Variants in MMRN1 observed in about 807,000 individuals in gnomAD.
The protein encoded by MMRN1 is multimerin 1, also known as multimerin-1.
Under a neutral mutation model 100.7 loss-of-function variants are expected in MMRN1, and 94 were observed. The observed-to-expected ratio is 0.93, with a 90% CI of 0.79 to 1.11. The LOEUF (loss-of-function observed/expected upper bound fraction) is 1.11. MMRN1 is among the 50% of genes least tolerant of loss of function. The pLI, the probability that MMRN1 is intolerant of heterozygous loss-of-function variation, is 0.00. For synonymous variants in MMRN1, 575 were observed against 505.0 expected (o/e 1.14, Z -1.86); for missense variants, 1,606 against 1,439.1 (o/e 1.12, Z -1.88).
At chr4:89,947,311 ATTCAT>A (rs1012808798) in intron 6 of MMRN1, among the ~76,000 whole-genome samples, 14 of 152,068 alleles carry the variant, frequency 9.2e-5, no homozygotes, top group South Asian at 8.3e-4. Context: ...AAATAAATAG[ATTCAT>A]GTCTCTAGGA....
At chr4:89,893,638 G>T (rs1328253297), upstream of MMRN1, among the ~76,000 whole-genome samples, 3 of 152,096 alleles carry the variant, frequency 2.0e-5, no homozygotes, top group Non-Finnish European at 4.4e-5. Flanking sequence ...AGAAAAATGG[G>T]TTACACATGG....
intron 6 of MMRN1, among the ~76,000 whole-genome samples, chr4:89,942,808 G>T (rs6837483): frequency 0.1 from 15,649 of 151,886 alleles, 1,083 homozygotes; most frequent in East Asian, 0.28. Flanking sequence ...AAAAATGATC[G>T]CATGTTGTGC....
At chr4:89,917,101 T>C (rs184711619) in intron 3 of MMRN1, among the ~76,000 whole-genome samples, 4 of 150,346 alleles carry the variant, frequency 2.7e-5, no homozygotes, top group Non-Finnish European at 5.9e-5. Flanking sequence ...GTGTGTGTGT[T>C]TGTGTGTGTG....
intron 2 of MMRN1, among the ~76,000 whole-genome samples, chr4:89,911,420 G>A (rs1721747304): frequency 6.6e-6 from 1 of 151,172 alleles, no homozygotes; most frequent in African/African-American, 2.4e-5. Flanking sequence ...AAAAATAGTA[G>A]GTAGCATAAT....
chr4:89,894,760 TCC>T (rs1428445570), upstream of MMRN1: 1 of 701,668 alleles, frequency 1.4e-6, no homozygotes, highest in Non-Finnish European at 2.1e-6. Flanking sequence ...CATAGAGCCA[TCC>T]CACTAGAGGT....
chr4:89,913,334 C>T (rs1721814163), intron 3 of MMRN1, among the ~76,000 whole-genome samples: 1 of 151,274 alleles, frequency 6.6e-6, no homozygotes, highest in South Asian at 2.1e-4. Context: ...TTGCAGAGCA[C>T]ATTTCTAGAA....
In MMRN1 at chr4:89,953,465, G is replaced by A; in HGVS notation, c.*47G>A. 6.7e-7 allele frequency: 1 copy of A among 1,495,328 alleles called. No individual in the cohort carries two copies. The highest frequency in any genetic ancestry group is 8.9e-7 in the Non-Finnish European group (1 of 1,118,288). The allele number at this position is 1,495,328 out of a possible 1,614,324, so 92.6% of individuals were successfully genotyped here. On this transcript the variant is annotated 3_prime_UTR_variant, in exon 8 of 8. Coordinates refer to ENST00000264790, the MANE Select transcript of MMRN1 (RefSeq NM_007351.3). ...TCACCTTTATTGAGAAACAGCCAGT[G>A]TTTTCATTTATCTTTGCTTGCACAT...
chr4:89,953,185 G>C lies in MMRN1; in HGVS notation c.3454G>C (p.Glu1152Gln). Residue 1152 changes from glutamate (E) to glutamine (Q), a missense_variant, in exon 8 of 8, where the codon GAG (glutamate) becomes CAG (glutamine). Transcript: ENST00000264790. ...LGVYVFKYTI[E>Q]SFSAHISGFL... is the part of the protein sequence containing the mutation. Reference sequence around the variant, plus strand: ...AGTATATGTTTTCAAGTACACCATCGAGTCATTTAGTGCTCATATTTCTGG... The same window carrying C: ...AGTATATGTTTTCAAGTACACCATCCAGTCATTTAGTGCTCATATTTCTGG... 1 of 1,613,770 alleles carries C rather than the reference G, an allele frequency of 6.2e-7. No homozygotes were observed. The highest frequency in any genetic ancestry group is 2.2e-5 in the East Asian group (1 of 44,848).
chr4:89,926,037 T>G (rs555246400), intron 4 of MMRN1, among the ~76,000 whole-genome samples: 45 of 152,306 alleles, frequency 3.0e-4, no homozygotes, highest in African/African-American at 1.1e-3. Flanking sequence ...TTGATGGTCA[T>G]GTATGTTTCT....
upstream of MMRN1, among the ~76,000 whole-genome samples, chr4:89,891,478 T>C (rs1273711255): frequency 6.6e-6 from 1 of 152,140 alleles, no homozygotes; most frequent in Non-Finnish European, 1.5e-5. Flanking sequence ...TTATTTAACT[T>C]CTTTAAGTTT....
Position 89,953,372 on chromosome 4 carries a change from T to C in MMRN1, c.3641T>C (p.Phe1214Ser), listed in dbSNP as rs939036127. The change falls in exon 8 of 8, where the codon TTT (phenylalanine) becomes TCT (serine). Residue 1214 changes from phenylalanine (F) to serine (S), a missense_variant. Phe to Ser is a radical substitution (Grantham distance 155). Coordinates refer to ENST00000264790, the MANE Select transcript of MMRN1 (RefSeq NM_007351.3). Reference sequence around the variant, plus strand: ...GCAAAAGGAACAATTCCAGCCAAGTTTCCCCCTGTTACTACATTTAGTGGC... The same window carrying C: ...GCAAAAGGAACAATTCCAGCCAAGTCTCCCCCTGTTACTACATTTAGTGGC... ...RLAKGTIPAK[F>S]PPVTTFSGYL... 1.9e-6 allele frequency: 3 copies of C among 1,612,798 alleles called. No individual in the cohort carries two copies. Among genetic ancestry groups the C allele is most frequent in the Non-Finnish European group, 2.5e-6 (3 of 1,179,462 alleles).
At chr4:89,917,016 T>C (rs1275103313) in intron 3 of MMRN1, among the ~76,000 whole-genome samples, 1 of 151,700 alleles carries the variant, frequency 6.6e-6, no homozygotes, top group Non-Finnish European at 1.5e-5. Context: ...CGGAGGGAAC[T>C]ATATCTTGAT....
intron 3 of MMRN1, among the ~76,000 whole-genome samples, chr4:89,914,403 C>G (rs112518797): frequency 6.6e-6 from 1 of 151,302 alleles, no homozygotes; most frequent in Non-Finnish European, 1.5e-5. Context: ...TAATCTGCTA[C>G]GCACGTACTT....
intron 2 of MMRN1, 123 bp from the exon 3 acceptor site, chr4:89,911,821 C>T (rs113502033): frequency 3.8e-5 from 24 of 626,748 alleles, no homozygotes; most frequent in African/African-American, 5.7e-5. Flanking sequence ...TTATAACAGC[C>T]GATACTAAAT....
chr4:89,951,573 T>C, intron 6 of MMRN1, 32 bp from the exon 7 acceptor site: 1 of 1,436,926 alleles, frequency 7.0e-7, no homozygotes, highest in Middle Eastern at 1.9e-4. Context: ...GTCACTTTAT[T>C]CTCTTTTACC....
intron 4 of MMRN1, among the ~76,000 whole-genome samples, chr4:89,924,265 C>G (rs184977520): frequency 6.6e-6 from 1 of 151,900 alleles, no homozygotes; most frequent in Non-Finnish European, 1.5e-5. Flanking sequence ...GATTTCTGCC[C>G]CTTTGTTTCT....
At chr4:89,940,671 T>C (rs1436618186) in intron 6 of MMRN1, among the ~76,000 whole-genome samples, 2 of 152,138 alleles carry the variant, frequency 1.3e-5, no homozygotes, top group Admixed American at 6.6e-5. Flanking sequence ...TCCTCATTTA[T>C]AAAATAAGAA....
chr4:89,929,884 G>A (rs191597513), intron 5 of MMRN1, among the ~76,000 whole-genome samples: 26 of 152,214 alleles, frequency 1.7e-4, no homozygotes, highest in Admixed American at 1.0e-3. Context: ...AAAACACTGC[G>A]TAATCTGACA....
At chr4:89,927,208 A>G (rs1027257260) in intron 4 of MMRN1, among the ~76,000 whole-genome samples, 1 of 151,916 alleles carries the variant, frequency 6.6e-6, no homozygotes, top group Non-Finnish European at 1.5e-5. Context: ...ATTGCATTGA[A>G]TCTGTAGGTT....
Sources: allele counts gnomAD v4.1 joint callset (sites outside exome capture counted in the v4.1 genomes callset), GRCh38; gene constraint gnomAD v4.1.1; transcripts MANE v1.5; gene names NCBI Gene and HGNC (gene_info 2026-07-23, HGNC 2026-07-21).